Variants in XXYLT1 observed in about 807,000 individuals in gnomAD.
XXYLT1 encodes the protein xyloside xylosyltransferase 1.
A neutral mutation model predicts 28.9 loss-of-function variants in XXYLT1; 20 were observed. That is an observed-to-expected ratio of 0.69 (90% confidence interval 0.49 to 1.00). XXYLT1 has a LOEUF of 1.00. Among genes scored for constraint, XXYLT1 ranks in the 50% least tolerant of loss-of-function variants. XXYLT1 has a pLI of 0.00. For missense variants in XXYLT1, 542 were observed against 560.1 expected, an observed-to-expected ratio of 0.97 and a Z score of 0.33; for synonymous variants, 257 against 253.8, an observed-to-expected ratio of 1.01 and a Z score of -0.12.
intron 1 of XXYLT1, among the ~76,000 whole-genome samples, chr3:195,249,240 T>C (rs1368235654): frequency 6.6e-6 from 1 of 152,122 alleles, no homozygotes; most frequent in Non-Finnish European, 1.5e-5. Flanking sequence ...ACCTAATGTC[T>C]CATCTAAAGC....
intron 3 of XXYLT1, among the ~76,000 whole-genome samples, chr3:195,071,926 G>T (rs2108635739): frequency 1.3e-5 from 2 of 152,214 alleles, no homozygotes; most frequent in Admixed American, 1.3e-4. Context: ...AGGGAGGGAG[G>T]GCACGAGAAG....
chr3:195,116,390 T>C (rs1207283957), intron 3 of XXYLT1, among the ~76,000 whole-genome samples: 1 of 152,200 alleles, frequency 6.6e-6, no homozygotes, highest in East Asian at 1.9e-4. Context: ...TCTGAGTCAG[T>C]AGGTCTGGGG....
chr3:195,073,274 G>T (rs910257745), intron 3 of XXYLT1, among the ~76,000 whole-genome samples: 1 of 152,230 alleles, frequency 6.6e-6, no homozygotes, highest in African/African-American at 2.4e-5. Flanking sequence ...TGGCACATTA[G>T]GAACTTAGGG....
At position 195,124,569 on chromosome 3, in the gene XXYLT1, G is replaced by A. The variant is rs754610711; in HGVS notation, c.785+31880C>T. ...GACCACGTTTGTTTTGCTCACGAAC[G>A]CAGCCCCAGCACCTGGCACAGTGTC... is the stretch of plus-strand genomic sequence containing the variant. On this transcript the variant is annotated intron_variant, in intron 3 of 3. Transcript: ENST00000310380. The surrounding 1 kb of genome is among the most constrained non-coding windows in gnomAD (Gnocchi z 4.1). Among the ~76,000 whole-genome samples, 14 of 152,146 alleles carry A rather than the reference G, an allele frequency of 9.2e-5. No individual in the cohort carries two copies. The highest frequency in any genetic ancestry group is 1.5e-4 in the Non-Finnish European group (10 of 68,038).
chr3:195,204,355 AGAG>A (rs1326555215), intron 2 of XXYLT1, among the ~76,000 whole-genome samples: 1 of 150,268 alleles, frequency 6.7e-6, no homozygotes. Context: ...AAAAAAAAAA[AGAG>A]AGAGAGAGAG....
intron 3 of XXYLT1, among the ~76,000 whole-genome samples, chr3:195,113,950 C>T (rs1717913301): frequency 1.3e-5 from 2 of 152,154 alleles, no homozygotes; most frequent in Non-Finnish European, 2.9e-5. Context: ...GAAGTCCCTC[C>T]AGGTGGCAGG....
In XXYLT1 at chr3:195,210,383, T is replaced by C. The variant is rs60677730; in HGVS notation, c.652+16326A>G. Among the ~76,000 whole-genome samples the C allele has an allele frequency of 0.14, 21,400 of 152,172 alleles. 3,251 individuals carry two copies. The highest frequency in any genetic ancestry group is 0.38 in the African/African-American group (15,639 of 41,478). ...GGGCAGGACTGCTGTCGTGCCCCAGTGCCCTGAACACAGTGGGCAGGAGGA... is the reference window on the plus strand; with the variant it reads ...GGGCAGGACTGCTGTCGTGCCCCAGCGCCCTGAACACAGTGGGCAGGAGGA... On this transcript the variant is annotated intron_variant, in intron 2 of 3. Coordinates refer to ENST00000310380, the MANE Select transcript of XXYLT1 (RefSeq NM_152531.5). The surrounding 1 kb of genome is among the most constrained non-coding windows in gnomAD (Gnocchi z 4.8).
At chr3:195,230,474 G>C (rs1724252511) in intron 1 of XXYLT1, among the ~76,000 whole-genome samples, 1 of 152,188 alleles carries the variant, frequency 6.6e-6, no homozygotes, top group Non-Finnish European at 1.5e-5. Flanking sequence ...CAATGTCCTG[G>C]AGAGTTTCCC....
At position 195,180,540 on chromosome 3, in the gene XXYLT1, T is replaced by C. The variant is rs1204802904; in HGVS notation, c.653-23959A>G. The C allele has an allele frequency of 6.1e-6, 6 of 985,364 alleles. No homozygotes were observed. Among genetic ancestry groups the C allele is most frequent in the Admixed American group, 1.2e-4 (2 of 16,266 alleles). The allele number at this position is 985,364 out of a possible 1,614,324, so 61.0% of individuals were successfully genotyped here. A position where few individuals can be genotyped will look rare whatever the true frequency, so the allele number is the denominator to read the frequency against. ...CCTTGAAAAGAAGCAAACAAACAGA[T>C]AAGGGTCAGCATCTGAGGCCAGACC... On this transcript the variant is annotated intron_variant, in intron 2 of 3. Transcript: ENST00000310380. This position sits in a 1 kb window ranked among gnomAD's most constrained non-coding sequence, Gnocchi z 5.8.
intron 3 of XXYLT1, among the ~76,000 whole-genome samples, chr3:195,125,870 C>T (rs1718592056): frequency 6.6e-6 from 1 of 152,182 alleles, no homozygotes; most frequent in Non-Finnish European, 1.5e-5. Flanking sequence ...GCATCCACCT[C>T]CCGCAGCAGC....
chr3:195,230,693 T>C (rs1454632117), intron 1 of XXYLT1, among the ~76,000 whole-genome samples: 2 of 152,186 alleles, frequency 1.3e-5, no homozygotes, highest in Non-Finnish European at 2.9e-5. Context: ...TCATTGTAGA[T>C]GTATGGATTT....
rs540548399 is a variant in XXYLT1, at chr3:195,270,666, G to A, written c.393C>T (p.Phe131=). The A allele has an allele frequency of 1.3e-6, 2 of 1,582,472 alleles. No individual in the cohort carries two copies. Among genetic ancestry groups the A allele is most frequent in the East Asian group, 4.8e-5 (2 of 41,664 alleles). The change falls in exon 1 of 4, where the codon TTC becomes TTT. Residue 131 remains phenylalanine, a synonymous_variant. Transcript: ENST00000310380. ...ALRSLLRLAK[F]EAHEVLNLHF... The stretch of plus-strand genomic sequence containing the variant: ...GAAGGTTAAGCACCTCGTGCGCCTC[G>A]AACTTGGCGAGGCGCAGCAGTGAGC...
chr3:195,206,903 A>G (rs1161428207), intron 2 of XXYLT1, among the ~76,000 whole-genome samples: 1 of 152,208 alleles, frequency 6.6e-6, no homozygotes, highest in Admixed American at 6.5e-5. Flanking sequence ...GTTGGTAACT[A>G]CTGAAGCCGG....
At chr3:195,089,551 G>A (rs1283743092) in intron 3 of XXYLT1, among the ~76,000 whole-genome samples, 4 of 151,924 alleles carry the variant, frequency 2.6e-5, no homozygotes, top group South Asian at 2.1e-4. Context: ...GGGAACAACC[G>A]GTACCAGCCG....
At chr3:195,110,685 GC>G (rs1219814906) in intron 3 of XXYLT1, among the ~76,000 whole-genome samples, 46 of 95,546 alleles carry the variant, frequency 4.8e-4, no homozygotes, top group Admixed American at 9.9e-4. Context: ...GTGTGTGTGT[GC>G]TGTATGTGTG....
At chr3:195,190,493 CAAAAA>C (rs57722997) in intron 2 of XXYLT1, among the ~76,000 whole-genome samples, 2 of 34,984 alleles carry the variant, frequency 5.7e-5, no homozygotes, top group Non-Finnish European at 1.7e-4. Flanking sequence ...GACTCTGTCT[CAAAAA>C]AAAAAAAAAA....
intron 2 of XXYLT1, among the ~76,000 whole-genome samples, chr3:195,170,880 C>CA (rs147539070): frequency 0.044 from 6,303 of 143,448 alleles, 453 homozygotes; most frequent in African/African-American, 0.15. Flanking sequence ...CCGTCTTAAC[C>CA]AAAAAAAAAA....
At chr3:195,224,397 G>A (rs1352071212) in intron 2 of XXYLT1, among the ~76,000 whole-genome samples, 1 of 152,194 alleles carries the variant, frequency 6.6e-6, no homozygotes, top group Non-Finnish European at 1.5e-5. Flanking sequence ...GCCCCCCTGA[G>A]CTATGCCAGG....
intron 2 of XXYLT1, among the ~76,000 whole-genome samples, chr3:195,198,134 G>C (rs1722706776): frequency 6.6e-6 from 1 of 152,204 alleles, no homozygotes; most frequent in Non-Finnish European, 1.5e-5. Context: ...ACTCAATTCT[G>C]TCTGGCTTGG....
Sources: allele counts gnomAD v4.1 joint callset (sites outside exome capture counted in the v4.1 genomes callset), GRCh38; gene constraint gnomAD v4.1.1; non-coding constraint Gnocchi (gnomAD v3.1); transcripts MANE v1.5; gene names NCBI Gene and HGNC (gene_info 2026-07-23, HGNC 2026-07-21).